RSRP1: variants seen among roughly 807,000 people sequenced by gnomAD.
RSRP1 encodes arginine and serine rich protein 1, also known as arginine/serine-rich protein 1.
Under a neutral mutation model 33.0 loss-of-function variants are expected in RSRP1, and 37 were observed. That is an observed-to-expected ratio of 1.12 (90% CI 0.86 to 1.48). RSRP1 has a LOEUF of 1.48. RSRP1 is among the 40% of genes most tolerant of loss of function. The pLI is 0.00. For synonymous variants in RSRP1, 167 were observed against 158.7 expected, an observed-to-expected ratio of 1.05 and a Z score of -0.40; for missense variants, 402 against 385.3, an observed-to-expected ratio of 1.04 and a Z score of -0.36.
intron 1 of RSRP1, among the ~76,000 whole-genome samples, chr1:25,321,349 CA>C (rs569995563): frequency 0.022 from 1,934 of 87,068 alleles, 164 homozygotes; most frequent in African/African-American, 0.055. Flanking sequence ...TTCTTTTTTT[CA>C]AAAAAAAAAA....
intron 3 of RSRP1, chr1:25,244,803 C>A (rs887971127): frequency 1.0e-6 from 1 of 964,220 alleles, no homozygotes; most frequent in Admixed American, 4.0e-5. Context: ...CCTGCCTCAG[C>A]CTCCCAAACA....
At chr1:25,296,831 C>A (rs600203) in intron 1 of RSRP1, among the ~76,000 whole-genome samples, 1 of 124,578 alleles carries the variant, frequency 8.0e-6, no homozygotes, top group Admixed American at 7.8e-5. Flanking sequence ...CTGAGGCCTC[C>A]CCGGCCATGC....
intron 1 of RSRP1, among the ~76,000 whole-genome samples, chr1:25,290,374 G>A (rs959988254): frequency 9.3e-6 from 1 of 107,974 alleles, no homozygotes; most frequent in East Asian, 2.2e-4. Flanking sequence ...ATGCCTCATA[G>A]ATGAAGGCAC....
At position 25,246,557 on chromosome 1, in the gene RSRP1, C is replaced by G. The variant is rs762242546; in HGVS notation, c.407G>C (p.Gly136Ala). 28 of 1,614,112 alleles carry G rather than the reference C, an allele frequency of 1.7e-5. No individual in the cohort carries two copies. In the South Asian group the frequency reaches 2.9e-4, roughly 16 times the overall value. Residue 136 changes from glycine (G) to alanine (A), a missense_variant, in exon 2 of 5, where the codon GGA (glycine) becomes GCA (alanine). Physicochemically the swap from Gly to Ala is moderately conservative, Grantham distance 60. Transcript: ENST00000243189. Reference sequence around the variant, plus strand: ...GCGACCAAAGCCGTAGTAGCGCTGTCCCCGCGCGATCGCGTACGCCCTTCC... The same window carrying G: ...GCGACCAAAGCCGTAGTAGCGCTGTGCCCGCGCGATCGCGTACGCCCTTCC... ...YCGRAYAIAR[G>A]QRYYGFGRTV...
At chr1:25,262,243 G>A (rs372574930) in intron 1 of RSRP1, among the ~76,000 whole-genome samples, 12 of 152,092 alleles carry the variant, frequency 7.9e-5, no homozygotes, top group African/African-American at 1.9e-4. Flanking sequence ...CCCACACTGC[G>A]AACCATATTA....
At chr1:25,258,575 G>T (rs1016729969) in intron 1 of RSRP1, among the ~76,000 whole-genome samples, 1 of 152,180 alleles carries the variant, frequency 6.6e-6, no homozygotes, top group African/African-American at 2.4e-5. Flanking sequence ...AAAGCTATCT[G>T]AGGTTTCTGT....
Position 25,269,742 on chromosome 1 carries a change from T to C in RSRP1, c.-66-22713A>G, listed in dbSNP as rs562848709. Among the ~76,000 whole-genome samples, 82 of 132,766 alleles carry C rather than the reference T, an allele frequency of 6.2e-4. 14 individuals carry two copies. Among genetic ancestry groups the C allele is most frequent in the South Asian group, 1.8e-3 (8 of 4,348 alleles). The allele number at this position is 132,766 out of a possible 152,430, so 87.1% of individuals were successfully genotyped here. On this transcript the variant is annotated intron_variant, in intron 1 of 1. Transcript: ENST00000561867. The stretch of plus-strand genomic sequence containing the variant: ...AAACCTCTGCTTTTGACAAATCTGT[T>C]GGGAGAGGCCAACTGCAGGGATACC...
In RSRP1 at chr1:25,305,074, C is replaced by A. The variant is rs1246451765; in HGVS notation, c.-67+32904G>T. On this transcript the variant is annotated intron_variant, in intron 1 of 1. Coordinates refer to the RSRP1 transcript ENST00000561867. ...GGATACACACAATACAGTGTGAGAA[C>A]AGCAAGAGGGCACATCTGAGCTAGC... Among the ~76,000 whole-genome samples, 2 of 132,628 alleles carry A rather than the reference C, an allele frequency of 1.5e-5. 1 individual carries two copies. The highest frequency in any genetic ancestry group is 3.6e-5 in the Non-Finnish European group (2 of 56,130). 87.0% of individuals were successfully genotyped at this position (132,628 alleles called of 152,430 possible). A position where few individuals can be genotyped will look rare whatever the true frequency, so the allele number is the denominator to read the frequency against.
intron 1 of RSRP1, among the ~76,000 whole-genome samples, chr1:25,261,194 A>G (rs1224067179): frequency 1.3e-5 from 2 of 152,100 alleles, no homozygotes; most frequent in African/African-American, 2.4e-5. Flanking sequence ...TAAAGCACCT[A>G]TTTCCAAATA....
At chr1:25,293,249 T>TA (rs1298747430) in intron 1 of RSRP1, among the ~76,000 whole-genome samples, 4 of 129,010 alleles carry the variant, frequency 3.1e-5, no homozygotes, top group African/African-American at 1.1e-4. Context: ...AATCTGATGA[T>TA]ACAGAAGAGA....
chr1:25,297,812 G>A (rs1195396700), intron 1 of RSRP1, among the ~76,000 whole-genome samples: 3 of 131,674 alleles, frequency 2.3e-5, no homozygotes, highest in Non-Finnish European at 5.4e-5. Flanking sequence ...AACCATAAAG[G>A]TGTATCTGTG....
At chr1:25,309,511 T>A (rs1233220393) in intron 1 of RSRP1, among the ~76,000 whole-genome samples, 7 of 131,386 alleles carry the variant, frequency 5.3e-5, no homozygotes, top group South Asian at 2.3e-4. Context: ...AGCTAGTAAC[T>A]CAGTTTTCTT....
chr1:25,308,036 GA>G (rs67959545), intron 1 of RSRP1, among the ~76,000 whole-genome samples: 23,902 of 110,986 alleles, frequency 0.22, 5,276 homozygotes, highest in Admixed American at 0.27. Flanking sequence ...GGGGAAGTTA[GA>G]AAAAAAAAAA....
In RSRP1 at chr1:25,322,442, G is replaced by A. The variant is rs1322807265; in HGVS notation, c.-67+15536C>T. On this transcript the variant is annotated intron_variant, in intron 1 of 1. Coordinates refer to the RSRP1 transcript ENST00000561867. ...GATCCCAGCACTTTGGGAGGCTGAG[G>A]TGGGGCGATCACCTGAGGCCAGGAG... Among the ~76,000 whole-genome samples, 2 of 133,132 alleles carry A rather than the reference G, an allele frequency of 1.5e-5. 1 individual carries two copies. The highest frequency in any genetic ancestry group is 5.1e-5 in the African/African-American group (2 of 39,076). The allele number at this position is 133,132 out of a possible 152,430, so 87.3% of individuals were successfully genotyped here.
At chr1:25,243,026 A>C (rs1638994956) in intron 4 of RSRP1, among the ~76,000 whole-genome samples, 1 of 152,110 alleles carries the variant, frequency 6.6e-6, no homozygotes. Context: ...GGAGGCAGGC[A>C]GAAGCTGCAG....
At chr1:25,315,229 C>G (rs1226543258) in intron 1 of RSRP1, among the ~76,000 whole-genome samples, 2 of 129,840 alleles carry the variant, frequency 1.5e-5, no homozygotes, top group African/African-American at 5.3e-5. Context: ...ATTATTAGAT[C>G]AATGAATTGA....
chr1:25,276,722 T>A (rs1392789631), intron 1 of RSRP1, among the ~76,000 whole-genome samples: 1 of 128,824 alleles, frequency 7.8e-6, no homozygotes, highest in African/African-American at 2.7e-5. Context: ...TCAAAAAAAA[T>A]AAAAATATTT....
chr1:25,253,197 C>T (rs1201566564), intron 1 of RSRP1: 1 of 152,062 alleles, frequency 6.6e-6, no homozygotes, highest in East Asian at 1.9e-4. Context: ...CATGAGCCAC[C>T]ACATCGGTGC....
chr1:25,286,901 T>C (rs1189675316), intron 1 of RSRP1, among the ~76,000 whole-genome samples: 2 of 134,354 alleles, frequency 1.5e-5, no homozygotes, highest in East Asian at 3.9e-4. Context: ...GAGACCAACC[T>C]GAGCAACATG....
Sources: gnomAD v4.1 joint callset for allele counts (sites outside exome capture counted in the v4.1 genomes callset) on GRCh38, gnomAD v4.1.1 for gene constraint, MANE v1.5 for transcripts, NCBI Gene and HGNC (gene_info 2026-07-23, HGNC 2026-07-21) for gene names.